The following AK5 variants were observed in gnomAD, a reference collection of about 807,000 sequenced individuals.
AK5 encodes the protein adenylate kinase 5, also known as adenylate kinase isoenzyme 5.
AK5 carries 27 observed loss-of-function variants against 69.5 expected under a neutral mutation model. That is an observed-to-expected ratio of 0.39 (90% confidence interval 0.29 to 0.54). AK5 has a LOEUF of 0.54. AK5 is among the 20% of genes least tolerant of loss of function. The probability of loss-of-function intolerance (pLI) is 0.71; values close to 1 mark genes in which losing one functional copy is unlikely to be tolerated. For synonymous variants in AK5, 260 were observed against 244.4 expected, an observed-to-expected ratio of 1.06 and a Z score of -0.60; for missense variants, 531 against 700.4, an observed-to-expected ratio of 0.76 and a Z score of 2.73.
chr1:77,496,205 A>T (rs909322409), intron 10 of AK5, among the ~76,000 whole-genome samples: 1 of 152,208 alleles, frequency 6.6e-6, no homozygotes, highest in Non-Finnish European at 1.5e-5. Context: ...CTGGGAAGAA[A>T]GTGGGGGTGA....
intron 10 of AK5, among the ~76,000 whole-genome samples, chr1:77,515,874 G>A (rs544308956): frequency 6.6e-6 from 1 of 152,136 alleles, no homozygotes; most frequent in Non-Finnish European, 1.5e-5. Flanking sequence ...AACATAGCAA[G>A]AGACCCTGTC....
At chr1:77,357,515 C>A (rs1318923341) in intron 6 of AK5, among the ~76,000 whole-genome samples, 3 of 151,854 alleles carry the variant, frequency 2.0e-5, no homozygotes, top group African/African-American at 7.3e-5. Context: ...TAAATAATGA[C>A]AAATAATACC....
intron 6 of AK5, among the ~76,000 whole-genome samples, chr1:77,381,799 A>C (rs1363971981): frequency 6.6e-6 from 1 of 152,256 alleles, no homozygotes; most frequent in East Asian, 1.9e-4. Context: ...TAAATTATAG[A>C]GACACTTATT....
chr1:77,375,797 G>A (rs1015557585), intron 6 of AK5, among the ~76,000 whole-genome samples: 3 of 152,152 alleles, frequency 2.0e-5, no homozygotes, highest in Admixed American at 2.0e-4. Context: ...AGATAGTGTA[G>A]TGCAAAGGAT....
chr1:77,345,553 A>C (rs1044950739), intron 6 of AK5, among the ~76,000 whole-genome samples: 1 of 152,186 alleles, frequency 6.6e-6, no homozygotes, highest in African/African-American at 2.4e-5. Flanking sequence ...AGGCATTAGA[A>C]AAAAACTCCC....
chr1:77,362,969 C>T (rs1646890657), intron 6 of AK5, among the ~76,000 whole-genome samples: 1 of 152,152 alleles, frequency 6.6e-6, no homozygotes. Context: ...CACATAATCA[C>T]TTCCTTGGTG....
At chr1:77,523,123 C>T (rs530056911) in intron 12 of AK5, among the ~76,000 whole-genome samples, 1 of 152,274 alleles carries the variant, frequency 6.6e-6, no homozygotes, top group East Asian at 1.9e-4. Flanking sequence ...TTTACTTTGA[C>T]CTCCTTCTGA....
In AK5 at chr1:77,534,127, T is replaced by C. The variant is rs186576735; in HGVS notation, c.1429-1720T>C. 2.6e-5 allele frequency among the ~76,000 whole-genome samples: 4 copies of C among 152,132 alleles called. No individual in the cohort carries two copies. In the East Asian group the frequency reaches 7.7e-4, roughly 29 times the overall value. On this transcript the variant is annotated intron_variant, in intron 12 of 13. Transcript: ENST00000354567. ...TGGCAACTCACGATATTACGAGTTC[T>C]CCGTGTTGCCTAAACATCCTCTTCT...
chr1:77,338,557 A>G (rs17378915), intron 5 of AK5, among the ~76,000 whole-genome samples: 16,473 of 152,226 alleles, frequency 0.11, 1,168 homozygotes, highest in Non-Finnish European at 0.16. Flanking sequence ...CTGACAGTGT[A>G]GATTTGAACT....
At chr1:77,473,497 A>T (rs560246752) in intron 8 of AK5, among the ~76,000 whole-genome samples, 6 of 152,288 alleles carry the variant, frequency 3.9e-5, no homozygotes, top group African/African-American at 1.4e-4. Context: ...GGGATCTTCC[A>T]AATCTACACT....
At chr1:77,546,018 C>G (rs148376017) in intron 13 of AK5, among the ~76,000 whole-genome samples, 3 of 152,290 alleles carry the variant, frequency 2.0e-5, no homozygotes, top group East Asian at 1.9e-4. Context: ...CTCTCCACCC[C>G]CTTTCCTTCC....
chr1:77,453,571 TGAATGTCCTGA>T (rs1653291505), intron 8 of AK5, among the ~76,000 whole-genome samples: 2 of 152,198 alleles, frequency 1.3e-5, no homozygotes, highest in Non-Finnish European at 2.9e-5. Context: ...TTTGTTGCAG[TGAATGTCCTGA>T]TACTGTTTTT....
At chr1:77,367,854 A>AACATATGTTATATATAAT (rs1557534379) in intron 6 of AK5, among the ~76,000 whole-genome samples, 2 of 2,212 alleles carry the variant, frequency 9.0e-4, no homozygotes, top group African/African-American at 3.7e-3. Flanking sequence ...TATTATATAT[A>AACATATGTTATATATAAT]ATATATAATA....
intron 6 of AK5, among the ~76,000 whole-genome samples, chr1:77,352,104 A>ATT (rs1343571975): frequency 6.6e-6 from 1 of 151,150 alleles, no homozygotes; most frequent in East Asian, 1.9e-4. Context: ...TAATTTTTGT[A>ATT]TTTTTAGTAG....
At chr1:77,494,867 C>T (rs942355293) in intron 10 of AK5, among the ~76,000 whole-genome samples, 9 of 151,768 alleles carry the variant, frequency 5.9e-5, no homozygotes, top group Admixed American at 3.3e-4. Flanking sequence ...CTACAAGCTC[C>T]GCCTCCCAGG....
At position 77,480,701 on chromosome 1, in the gene AK5, A is replaced by G. The variant is rs77281686; in HGVS notation, c.1060-2616A>G. 7.6e-3 allele frequency among the ~76,000 whole-genome samples: 1,153 copies of G among 152,348 alleles called. 19 individuals carry two copies. Among genetic ancestry groups the G allele is most frequent in the African/African-American group, 0.027 (1,107 of 41,570 alleles). On this transcript the variant is annotated intron_variant, in intron 8 of 13. Transcript: ENST00000354567. The stretch of plus-strand genomic sequence containing the variant: ...CAAACAATAAGAAGATTTAGATTAA[A>G]CAATCCTTTTCCAGGAAATACTCTT...
chr1:77,483,463 C>A, intron 9 of AK5, 104 bp downstream of exon 9: 1 of 935,986 alleles, frequency 1.1e-6, no homozygotes, highest in Non-Finnish European at 1.7e-6. Flanking sequence ...AACAGCATCA[C>A]TTTTTCCTTG....
At position 77,368,272 on chromosome 1, in the gene AK5, TG is replaced by T. The variant is rs1317983016; in HGVS notation, c.891+27705del. Among the ~76,000 whole-genome samples the T allele has an allele frequency of 1.0e-3, 68 of 66,072 alleles. 2 individuals carry two copies. The East Asian group carries it at 0.024, about 23-fold the overall frequency. The allele number at this position is 66,072 out of a possible 152,430, so 43.3% of individuals were successfully genotyped here. ...ATATATAATATATATGTTATATATA[TG>T]TTATATATGTTATATATATGTTATA... On this transcript the variant is annotated intron_variant, in intron 6 of 13. Coordinates refer to ENST00000354567, the MANE Select transcript of AK5 (RefSeq NM_174858.3).
intron 5 of AK5, among the ~76,000 whole-genome samples, chr1:77,300,036 C>G (rs895288277): frequency 2.0e-5 from 3 of 152,184 alleles, no homozygotes; most frequent in Non-Finnish European, 4.4e-5. Context: ...CATATATCTG[C>G]TGTCCCCAGC....
Sources: gnomAD v4.1 joint callset for allele counts (sites outside exome capture counted in the v4.1 genomes callset) on GRCh38, gnomAD v4.1.1 for gene constraint, MANE v1.5 for transcripts, NCBI Gene and HGNC (gene_info 2026-07-23, HGNC 2026-07-21) for gene names.